The following LRRC57 variants were observed in gnomAD, a reference collection of about 807,000 sequenced individuals.
LRRC57 encodes the protein leucine rich repeat containing 57, also known as leucine-rich repeat-containing protein 57.
Under a neutral mutation model 23.1 loss-of-function variants are expected in LRRC57, and 14 were observed. The ratio of observed to expected loss-of-function variants is 0.61; its 90% CI spans 0.40 to 0.95. The LOEUF is 0.95. Among genes scored for constraint, LRRC57 ranks in the 40% least tolerant of loss-of-function variants. LRRC57 has a pLI of 0.00. For missense variants in LRRC57, 236 were observed against 284.4 expected, an observed-to-expected ratio of 0.83 and a Z score of 1.22; for synonymous variants, 106 against 115.2, an observed-to-expected ratio of 0.92 and a Z score of 0.51.
intron 3 of LRRC57, 196 bp downstream of exon 3, chr15:42,547,910 T>C: frequency 1.7e-6 from 1 of 605,432 alleles, no homozygotes; most frequent in Non-Finnish European, 2.9e-6. Context: ...GTAACAATCA[T>C]TATAACACCC....
chr15:42,544,984 T>C (rs747458901), intron 5 of LRRC57, 93 bp downstream of exon 5: 32 of 970,254 alleles, frequency 3.3e-5, no homozygotes, highest in Middle Eastern at 2.2e-4. Context: ...GAACAAATCC[T>C]GTTGACATGA....
chr15:42,547,227 A>G lies in LRRC57; in HGVS notation c.492+34T>C, dbSNP rs1302885553. On this transcript the variant is annotated intron_variant, in intron 4 of 5. Transcript: ENST00000397130. ...ATCAGGAGACCTTAAAGCCACACAT[A>G]TGCTGTAGGAAAAAAAACCTTAAAG... is the stretch of plus-strand genomic sequence containing the variant. 1.9e-6 allele frequency: 3 copies of G among 1,602,162 alleles called. No homozygotes were observed. In the South Asian group the frequency reaches 3.3e-5, roughly 18 times the overall value.
At chr15:42,531,641 G>C in the LRRC57 span, 1 of 488,004 alleles carries the variant, frequency 2.0e-6, no homozygotes. Context: ...TTTGTTTTCT[G>C]TTGAGGGCCG....
the LRRC57 span, among the ~76,000 whole-genome samples, chr15:42,530,898 GT>G: frequency 6.6e-6 from 1 of 152,176 alleles, no homozygotes; most frequent in Admixed American, 6.5e-5. Context: ...TGCAGTCTGG[GT>G]TTAGGCTATA....
In LRRC57 at chr15:42,542,582, T is replaced by C. The variant is rs368190939; in HGVS notation, c.*1501A>G. On this transcript the variant is annotated 3_prime_UTR_variant, in exon 6 of 6. Transcript: ENST00000397130. Reference sequence around the variant, plus strand: ...ACTCAGAGAGTAAGCTTGATAAACATAGGTTGTTTTAAAATATTATAGTAA... The same window carrying C: ...ACTCAGAGAGTAAGCTTGATAAACACAGGTTGTTTTAAAATATTATAGTAA... The C allele has an allele frequency of 6.5e-5, 10 of 152,718 alleles. No individual in the cohort carries two copies. The South Asian group carries it at 1.9e-3, about 28-fold the overall frequency. 9.5% of individuals were successfully genotyped at this position (152,718 alleles called of 1,614,324 possible). A position where few individuals can be genotyped will look rare whatever the true frequency, so the allele number is the denominator to read the frequency against.
chr15:42,531,596 AAGAAGGGCCAG>A, the LRRC57 span: 753 of 705,552 alleles, frequency 1.1e-3, 6 homozygotes, highest in African/African-American at 0.012. Context: ...GATAATATGG[AAGAAGGGCCAG>A]AGCAGTTACA....
chr15:42,544,841 A>AATATAT (rs767685010), intron 5 of LRRC57, among the ~76,000 whole-genome samples: 4 of 106,644 alleles, frequency 3.8e-5, no homozygotes, highest in African/African-American at 2.0e-4. Context: ...ACACACACAC[A>AATATAT]CTATATATAT....
rs1306837858 is a variant in LRRC57, at chr15:42,547,311, C to T, written c.442G>A (p.Asp148Asn). The change falls in exon 4 of 6, where the codon GAC becomes AAC. Residue 148 changes from aspartate to asparagine, a missense_variant. By Grantham distance (23) the Asp-to-Asn change is conservative. Transcript: ENST00000397130. ...ATGACTTGCAGCTCTCCCACTGAGT[C>T]AGGTATACTTCGAATCTGGTTCTTA... ...LSKNQIRSIP[D>N]SVGELQVIEL... is the part of the protein sequence containing the mutation. 6.2e-7 allele frequency: 1 copy of T among 1,614,194 alleles called. No individual in the cohort carries two copies.
At chr15:42,544,842 C>CACACACTATATATATATATATA in intron 5 of LRRC57, among the ~76,000 whole-genome samples, 5 of 98,032 alleles carry the variant, frequency 5.1e-5, no homozygotes, top group African/African-American at 3.3e-4. Context: ...CACACACACA[C>CACACACTATATATATATATATA]TATATATATA....
intron 5 of LRRC57, among the ~76,000 whole-genome samples, chr15:42,544,842 C>CACTATATATATATATATATATATA: frequency 1.2e-4 from 12 of 98,036 alleles, no homozygotes; most frequent in African/African-American, 6.0e-4. Flanking sequence ...CACACACACA[C>CACTATATATATATATATATATATA]TATATATATA....
chr15:42,544,168 T>G (rs1416080180), intron 5 of LRRC57, 44 bp from the exon 6 acceptor site: 2 of 1,466,436 alleles, frequency 1.4e-6, no homozygotes, highest in Non-Finnish European at 1.9e-6. Context: ...TTGGCATGAG[T>G]AAATAAATAT....
downstream of LRRC57, among the ~76,000 whole-genome samples, chr15:42,534,271 C>T (rs1306461970): frequency 6.6e-6 from 1 of 152,158 alleles, no homozygotes; most frequent in African/African-American, 2.4e-5. Flanking sequence ...GCTGGGATTA[C>T]AGGCAGGCAC....
downstream of LRRC57, among the ~76,000 whole-genome samples, chr15:42,537,396 C>T (rs1461736453): frequency 6.6e-6 from 1 of 152,080 alleles, no homozygotes; most frequent in African/African-American, 2.4e-5. Flanking sequence ...TGAGAAAATG[C>T]TGGCAAGGAT....
chr15:42,543,894 C>T lies in LRRC57; in HGVS notation c.*189G>A. 1 of 486,914 alleles carries T rather than the reference C, an allele frequency of 2.1e-6. No homozygotes were observed. The allele number at this position is 486,914 out of a possible 1,614,324, so 30.2% of individuals were successfully genotyped here. On this transcript the variant is annotated 3_prime_UTR_variant, in exon 6 of 6. Coordinates refer to ENST00000397130, the MANE Select transcript of LRRC57 (RefSeq NM_153260.3). ...CGGAAGACTTTTCCTGTCTCCTGAT[C>T]CTTTTTCTTTTAGCTTATTTGAGAA...
In LRRC57 at chr15:42,538,692, A is replaced by G. The variant is rs2057612613; in HGVS notation, c.*5391T>C. ...GAGTGCTTACTCTGTCATGGCCACT[A>G]TGCTAAGTGCTTTTATATAGTTTTT... On this transcript the variant is annotated 3_prime_UTR_variant, in exon 6 of 6. Coordinates refer to ENST00000397130, the MANE Select transcript of LRRC57 (RefSeq NM_153260.3). 1.3e-5 allele frequency: 2 copies of G among 152,364 alleles called. No homozygotes were observed. Among genetic ancestry groups the G allele is most frequent in the Non-Finnish European group, 1.5e-5 (1 of 68,038 alleles). The allele number at this position is 152,364 out of a possible 1,614,324, so 9.4% of individuals were successfully genotyped here. A position where few individuals can be genotyped will look rare whatever the true frequency, so the allele number is the denominator to read the frequency against.
intron 4 of LRRC57, among the ~76,000 whole-genome samples, chr15:42,545,708 T>G (rs1157807329): frequency 7.2e-5 from 11 of 152,212 alleles, no homozygotes; most frequent in Admixed American, 7.2e-4. Context: ...CAGTCCCTAC[T>G]GCATTTAACT....
chr15:42,529,377 G>C, the LRRC57 span, among the ~76,000 whole-genome samples: 2 of 152,138 alleles, frequency 1.3e-5, no homozygotes, highest in African/African-American at 4.8e-5. Context: ...GTCTGGAATG[G>C]AGTGTGAGAA....
In LRRC57 at chr15:42,547,506, T is replaced by C. The variant is rs986331058; in HGVS notation, c.247A>G (p.Asn83Asp). 2 of 1,611,822 alleles carry C rather than the reference T, an allele frequency of 1.2e-6. No individual in the cohort carries two copies. The highest frequency in any genetic ancestry group is 1.7e-6 in the Non-Finnish European group (2 of 1,178,340). The change falls in exon 4 of 6, where the codon AAT becomes GAT. Residue 83 changes from asparagine to aspartate, a missense_variant. Physicochemically the swap from Asn to Asp is conservative, Grantham distance 23. Transcript: ENST00000397130. ...CTTAGCGTCTCTAGTTTTTTCAGAT[T>C]GCATATCTCATCAGGCAGAACAGCT... The part of the protein sequence containing the change: ...KLTVLPDEIC[N>D]LKKLETLSLN...
rs2057609112 is a variant in LRRC57 at position 42,537,964 on chromosome 15, G to C, written c.*6119C>G. On this transcript the variant is annotated 3_prime_UTR_variant, in exon 6 of 6. Transcript: ENST00000397130. Reference sequence around the variant, plus strand: ...ATGGGTAGATACAAACATACAGTTAGATAGAAGGAATAAGTTTTAATGCTT... The same window carrying C: ...ATGGGTAGATACAAACATACAGTTACATAGAAGGAATAAGTTTTAATGCTT... The C allele has an allele frequency of 6.6e-6, 1 of 152,178 alleles. No homozygotes were observed. The highest frequency in any genetic ancestry group is 2.1e-4 in the South Asian group (1 of 4,832). The allele number at this position is 152,178 out of a possible 1,614,324, so 9.4% of individuals were successfully genotyped here. A position where few individuals can be genotyped will look rare whatever the true frequency, so the allele number is the denominator to read the frequency against.
Sources: allele counts gnomAD v4.1 joint callset (sites outside exome capture counted in the v4.1 genomes callset), GRCh38; gene constraint gnomAD v4.1.1; transcripts MANE v1.5; gene names NCBI Gene and HGNC (gene_info 2026-07-23, HGNC 2026-07-21).